KIF1B: variants seen among roughly 807,000 people sequenced by gnomAD.
KIF1B encodes the protein kinesin-like protein KIF1B.
A neutral mutation model predicts 241.9 loss-of-function variants in KIF1B; 76 were observed. That is an observed-to-expected ratio of 0.31 (90% CI 0.26 to 0.38). The LOEUF (loss-of-function observed/expected upper bound fraction) is 0.38, where lower values mean the gene tolerates loss of function less well. Among genes scored for constraint, KIF1B ranks in the 10% least tolerant of loss-of-function variants. KIF1B has a pLI of 1.00. For missense variants in KIF1B, 1,622 were observed against 2,271.4 expected (o/e 0.71, Z 5.81); for synonymous variants, 750 against 796.7 (o/e 0.94, Z 0.99).
In KIF1B at chr1:10,285,649, A is replaced by G. The variant is rs1649650179; in HGVS notation, c.1434+3116A>G. ...TTGTGTTGTCTTGAGTTTTTAATGC[A>G]GTGTGGTAGTTCACTGAAGCATAAG... is the stretch of plus-strand genomic sequence containing the variant. On this transcript the variant is annotated intron_variant, in intron 15 of 48. Coordinates refer to ENST00000676179, the MANE Select transcript of KIF1B (RefSeq NM_001365951.3). Among the ~76,000 whole-genome samples the G allele has an allele frequency of 5.9e-5, 9 of 152,346 alleles. No homozygotes were observed. In the South Asian group the frequency reaches 1.9e-3, roughly 32 times the overall value.
In KIF1B at chr1:10,282,434, C is replaced by A; in HGVS notation, c.1335C>A (p.Ser445=). Residue 445 remains serine, a synonymous_variant, in exon 15 of 49, where the codon TCC becomes TCA. Coordinates refer to ENST00000676179, the MANE Select transcript of KIF1B (RefSeq NM_001365951.3). ...SMGSLTSSPS[S]CSLSSQVGLT... ...GGTCCCTCACTTCATCCCCATCTTC[C>A]TGCTCACTCAGTAGTCAGGTGGGCT... The A allele has an allele frequency of 6.2e-7, 1 of 1,614,192 alleles. No homozygotes were observed. The highest frequency in any genetic ancestry group is 1.3e-5 in the African/African-American group (1 of 75,048).
chr1:10,268,234 G>C lies in KIF1B; in HGVS notation c.691G>C (p.Asp231His). The C allele has an allele frequency of 6.2e-7, 1 of 1,612,720 alleles. No individual in the cohort carries two copies. The highest frequency in any genetic ancestry group is 8.5e-7 in the Non-Finnish European group (1 of 1,178,736). The change falls in exon 7 of 49, where the codon GAT becomes CAT. Residue 231 changes from aspartate (D) to histidine (H), a missense_variant. Around this residue, in one of 7 missense-constraint regions of KIF1B, gnomAD observed 201 missense variants for 301.2 expected, o/e 0.67. Coordinates refer to ENST00000676179, the MANE Select transcript of KIF1B (RefSeq NM_001365951.3). Reference sequence around the variant, plus strand: ...GATTGTTTTCACCCAGAAGAAACACGATAATGAGACCAACCTTTCCACTGA... The same window carrying C: ...GATTGTTTTCACCCAGAAGAAACACCATAATGAGACCAACCTTTCCACTGA... ...FTIVFTQKKH[D>H]NETNLSTEKV...
At chr1:10,298,460 G>C (rs888114592) in intron 22 of KIF1B, among the ~76,000 whole-genome samples, 1 of 152,188 alleles carries the variant, frequency 6.6e-6, no homozygotes, top group Non-Finnish European at 1.5e-5. Flanking sequence ...GCCCTAAAAA[G>C]AATGGATTGT....
intron 1 of KIF1B, among the ~76,000 whole-genome samples, chr1:10,226,564 CA>C (rs1342236992): frequency 6.6e-6 from 1 of 152,138 alleles, no homozygotes. Flanking sequence ...TAAATATCAA[CA>C]GTATTCAACA....
intron 40 of KIF1B, 141 bp from the exon 41 acceptor site, chr1:10,363,137 TAAGAA>T (rs140498229): frequency 0.021 from 13,467 of 637,972 alleles, 184 homozygotes; most frequent in Non-Finnish European, 0.028. Context: ...AGGTTCAAAA[TAAGAA>T]AAGAGCGGTG....
At chr1:10,277,030 G>A (rs942414847) in intron 12 of KIF1B, among the ~76,000 whole-genome samples, 6 of 150,892 alleles carry the variant, frequency 4.0e-5, no homozygotes, top group African/African-American at 9.8e-5. Flanking sequence ...GCAGTGAGCC[G>A]AGATGGCGCC....
At chr1:10,308,252 G>A in intron 22 of KIF1B, 1 of 1,060,636 alleles carries the variant, frequency 9.4e-7, no homozygotes. Context: ...TGCAAAACAA[G>A]CATTTGTCCT....
chr1:10,351,517 G>T (rs1313100100), intron 37 of KIF1B, among the ~76,000 whole-genome samples: 1 of 152,208 alleles, frequency 6.6e-6, no homozygotes. Flanking sequence ...GGCTCAGAGA[G>T]GTTGAGCCTT....
At chr1:10,319,336 A>G (rs1285285427) in intron 22 of KIF1B, among the ~76,000 whole-genome samples, 1 of 152,182 alleles carries the variant, frequency 6.6e-6, no homozygotes, top group East Asian at 1.9e-4. Flanking sequence ...TCCCGACCTC[A>G]GGTGATCACC....
intron 22 of KIF1B, chr1:10,304,324 C>T: frequency 6.2e-7 from 1 of 1,614,226 alleles, no homozygotes; most frequent in Non-Finnish European, 8.5e-7. Flanking sequence ...GCCACCTCAA[C>T]TACGTTGGAG....
chr1:10,233,262 C>T (rs762569794), intron 2 of KIF1B, among the ~76,000 whole-genome samples: 12 of 152,178 alleles, frequency 7.9e-5, no homozygotes, highest in Non-Finnish European at 1.5e-4. Flanking sequence ...TTGAATGCTC[C>T]ACTGCTTATA....
chr1:10,243,686 G>A (rs1647169073), intron 2 of KIF1B, among the ~76,000 whole-genome samples: 1 of 152,180 alleles, frequency 6.6e-6, no homozygotes, highest in Non-Finnish European at 1.5e-5. Context: ...CTTACTATTG[G>A]AGAGCATATC....
intron 38 of KIF1B, among the ~76,000 whole-genome samples, chr1:10,354,250 A>G (rs985499340): frequency 6.6e-6 from 1 of 152,226 alleles, no homozygotes; most frequent in Non-Finnish European, 1.5e-5. Context: ...CATTTAAACT[A>G]TATAAATCTA....
chr1:10,238,003 T>A (rs1647080412), intron 2 of KIF1B, among the ~76,000 whole-genome samples: 1 of 151,908 alleles, frequency 6.6e-6, no homozygotes, highest in Non-Finnish European at 1.5e-5. Flanking sequence ...AGTGAGACAC[T>A]GTTTCAGGAA....
chr1:10,315,864 TG>T (rs1651281030), intron 22 of KIF1B, among the ~76,000 whole-genome samples: 1 of 151,208 alleles, frequency 6.6e-6, no homozygotes, highest in African/African-American at 2.5e-5. Flanking sequence ...AAGACCAGCC[TG>T]GCCAACATGG....
rs369455195 is a variant in KIF1B, at chr1:10,378,900, G to A, written c.*2313G>A. On this transcript the variant is annotated 3_prime_UTR_variant, in exon 49 of 49. Transcript: ENST00000676179. Reference sequence around the variant, plus strand: ...TTTTTTTTTTAACTTTCTTCTTCCTGTTAAAACATAGGTCACTAACTGTGA... The same window carrying A: ...TTTTTTTTTTAACTTTCTTCTTCCTATTAAAACATAGGTCACTAACTGTGA... 4.2e-6 allele frequency: 1 copy of A among 236,818 alleles called. No individual in the cohort carries two copies. Among genetic ancestry groups the A allele is most frequent in the African/African-American group, 2.2e-5 (1 of 45,454 alleles). 14.7% of individuals were successfully genotyped at this position (236,818 alleles called of 1,614,324 possible).
chr1:10,253,755 C>G (rs1035301199), intron 2 of KIF1B, among the ~76,000 whole-genome samples: 1 of 152,198 alleles, frequency 6.6e-6, no homozygotes, highest in Admixed American at 6.5e-5. Flanking sequence ...TAGAAGTATA[C>G]TTCTTTGCTT....
rs74847043 is a variant in KIF1B, at chr1:10,317,950, A to G, written c.2116-2093A>G. Among the ~76,000 whole-genome samples, 349 of 151,700 alleles carry G rather than the reference A, an allele frequency of 2.3e-3. 17 individuals carry two copies. The highest frequency in any genetic ancestry group is 8.2e-3 in the African/African-American group (336 of 40,966). Reference sequence around the variant, plus strand: ...CTAGTACTGTGTGGGTAGGCAGGTCAAATGCTAAAATCTTTATTTAAAGAT... The same window carrying G: ...CTAGTACTGTGTGGGTAGGCAGGTCGAATGCTAAAATCTTTATTTAAAGAT... On this transcript the variant is annotated intron_variant, in intron 22 of 48. Coordinates refer to ENST00000676179, the MANE Select transcript of KIF1B (RefSeq NM_001365951.3).
intron 22 of KIF1B, chr1:10,306,153 A>G (rs1043739129): frequency 4.8e-6 from 5 of 1,039,800 alleles, no homozygotes; most frequent in African/African-American, 1.7e-5. Context: ...CTTCCAATTA[A>G]TGTTTTTTTC....
Sources: allele counts gnomAD v4.1 joint callset (sites outside exome capture counted in the v4.1 genomes callset), GRCh38; gene constraint gnomAD v4.1.1; regional missense constraint gnomAD v4.1.1; transcripts MANE v1.5; gene names NCBI Gene and HGNC (gene_info 2026-07-23, HGNC 2026-07-21).